The following GRTP1 variants were observed in gnomAD, a reference collection of about 807,000 sequenced individuals.
GRTP1 encodes the protein growth hormone regulated TBC protein 1.
In GRTP1, 56 loss-of-function variants were observed where a neutral mutation model predicts 38.1. The ratio of observed to expected loss-of-function variants is 1.47; its 90% CI spans 1.19 to 1.84. The LOEUF (loss-of-function observed/expected upper bound fraction) is 1.84. Among genes scored for constraint, GRTP1 ranks in the 40% most tolerant of loss-of-function variants. The pLI, the probability that GRTP1 is intolerant of heterozygous loss-of-function variation, is 0.00. For missense variants in GRTP1, 506 were observed against 453.9 expected (o/e 1.11, Z -1.04); for synonymous variants, 217 against 189.5 (o/e 1.14, Z -1.19).
intron 3 of GRTP1, among the ~76,000 whole-genome samples, chr13:113,352,337 T>TTATATATATATTTATATATATTTTATATA (rs2043296683): frequency 2.5e-4 from 13 of 51,528 alleles, no homozygotes; most frequent in African/African-American, 6.5e-4. Flanking sequence ...TATATATATT[T>TTATATATATATTTATATATATTTTATATA]TATATATATA....
intron 2 of GRTP1, among the ~76,000 whole-genome samples, chr13:113,357,262 T>C (rs1297146626): frequency 2.0e-5 from 3 of 151,760 alleles, no homozygotes; most frequent in African/African-American, 7.3e-5. Context: ...CTGGCCAACA[T>C]GGTGAAACCT....
intron 4 of GRTP1, among the ~76,000 whole-genome samples, chr13:113,350,635 T>C (rs2043246784): frequency 6.6e-6 from 1 of 152,054 alleles, no homozygotes; most frequent in Non-Finnish European, 1.5e-5. Context: ...CCGTGCTGAT[T>C]CTCCTCCCGC....
chr13:113,326,271 C>T (rs1018130826), intron 5 of GRTP1, among the ~76,000 whole-genome samples, 180 bp from the exon 6 acceptor site: 36 of 151,154 alleles, frequency 2.4e-4, no homozygotes, highest in African/African-American at 7.3e-4. Flanking sequence ...TCATGGGGAG[C>T]GACCCCCACA....
Position 113,324,554 on chromosome 13 carries a change from G to A in GRTP1, c.945C>T (p.Ser315=). 1 of 1,610,946 alleles carries A rather than the reference G, an allele frequency of 6.2e-7. No individual in the cohort carries two copies. The highest frequency in any genetic ancestry group is 8.5e-7 in the Non-Finnish European group (1 of 1,178,748). ...GCTTGGCGACGGTGGCCATGGATAAGCTTCCAGGTTCTGAAAATATTTTCT... is the reference window on the plus strand; with the variant it reads ...GCTTGGCGACGGTGGCCATGGATAAACTTCCAGGTTCTGAAAATATTTTCT... The part of the protein sequence containing the change: ...FMQKIFSEPG[S]LSMATVAKLR... Residue 315 remains serine, a synonymous_variant, in exon 8 of 8, where the codon AGC becomes AGT. Transcript: ENST00000375431.
intron 2 of GRTP1, among the ~76,000 whole-genome samples, chr13:113,358,884 C>G (rs1253892820): frequency 6.6e-6 from 1 of 152,210 alleles, no homozygotes; most frequent in Non-Finnish European, 1.5e-5. Context: ...TAAACATGCA[C>G]TTGTCACACG....
intron 2 of GRTP1, among the ~76,000 whole-genome samples, chr13:113,362,413 C>T (rs114441946): frequency 0.063 from 9,641 of 152,184 alleles, 333 homozygotes; most frequent in Middle Eastern, 0.1. Flanking sequence ...ATGCAGAGGC[C>T]ACAGGGATGG....
At chr13:113,360,663 G>A (rs1024228929) in intron 2 of GRTP1, among the ~76,000 whole-genome samples, 1 of 152,198 alleles carries the variant, frequency 6.6e-6, no homozygotes, top group Non-Finnish European at 1.5e-5. Flanking sequence ...TCCCACCGGA[G>A]TCACCAGCAT....
chr13:113,347,264 G>A (rs797005727), intron 4 of GRTP1, among the ~76,000 whole-genome samples: 4 of 55,690 alleles, frequency 7.2e-5, no homozygotes, highest in Non-Finnish European at 1.4e-4. Context: ...CTCTGTGGCT[G>A]AGAGCAGACC....
chr13:113,334,280 A>ACTGCCCCCCCCCCCCCCCCCCC (rs1202504022), intron 5 of GRTP1, among the ~76,000 whole-genome samples: 1 of 142,472 alleles, frequency 7.0e-6, no homozygotes, highest in Non-Finnish European at 1.5e-5. Flanking sequence ...CACTGCCACG[A>ACTGCCCCCCCCCCCCCCCCCCC]CAGCCTCCCG....
At chr13:113,334,282 A>ACCCCCCACTGCTACGACC (rs55801264) in intron 5 of GRTP1, among the ~76,000 whole-genome samples, 3 of 144,932 alleles carry the variant, frequency 2.1e-5, no homozygotes, top group Non-Finnish European at 1.5e-5. Context: ...CTGCCACGAC[A>ACCCCCCACTGCTACGACC]GCCTCCCGCC....
chr13:113,333,838 A>ATTTAGTGTGTGTGT (rs749095615), intron 5 of GRTP1, among the ~76,000 whole-genome samples: 1 of 23,600 alleles, frequency 4.2e-5, no homozygotes, highest in African/African-American at 6.8e-5. Context: ...TTATTTATTT[A>ATTTAGTGTGTGTGT]GTGTGTGTGT....
At chr13:113,352,337 TTATATATATATTTATATATATTTTATATA>T (rs2043296683) in intron 3 of GRTP1, among the ~76,000 whole-genome samples, 1 of 51,560 alleles carries the variant, frequency 1.9e-5, no homozygotes, top group African/African-American at 7.3e-5. Context: ...TATATATATT[TTATATATATATTTATATATATTTTATATA>T]TATATATATA....
chr13:113,352,326 T>TTATATATTTTA (rs1566437894), intron 3 of GRTP1, among the ~76,000 whole-genome samples: 1 of 68,518 alleles, frequency 1.5e-5, no homozygotes, highest in African/African-American at 5.9e-5. Context: ...ATATATATTT[T>TTATATATTTTA]TATATATATT....
chr13:113,326,170 A>G, intron 5 of GRTP1, 79 bp from the exon 6 acceptor site: 1 of 1,552,080 alleles, frequency 6.4e-7, no homozygotes, highest in Non-Finnish European at 8.7e-7. Context: ...AGCCAGACAA[A>G]GACAACAGGG....
intron 5 of GRTP1, among the ~76,000 whole-genome samples, chr13:113,334,967 T>C (rs1027304306): frequency 1.1e-4 from 16 of 151,728 alleles, no homozygotes; most frequent in East Asian, 2.0e-4. Context: ...GGACTACAGG[T>C]GCCCGCCACC....
intron 5 of GRTP1, among the ~76,000 whole-genome samples, chr13:113,336,582 CACCCGCTGGG>C (rs1289929604): frequency 6.8e-6 from 1 of 148,000 alleles, no homozygotes; most frequent in Non-Finnish European, 1.5e-5. Context: ...GCTTCAGAGC[CACCCGCTGGG>C]GTGGCCCTGC....
Position 113,342,595 on chromosome 13 carries a change from A to G in GRTP1, c.562+2268T>C, listed in dbSNP as rs1311456932. 1.3e-5 allele frequency among the ~76,000 whole-genome samples: 2 copies of G among 152,012 alleles called. No individual in the cohort carries two copies. Among genetic ancestry groups the G allele is most frequent in the African/African-American group, 4.8e-5 (2 of 41,402 alleles). On this transcript the variant is annotated intron_variant, in intron 5 of 7. Coordinates refer to ENST00000375431, the MANE Select transcript of GRTP1 (RefSeq NM_024719.4). This position sits in a 1 kb window ranked among gnomAD's most constrained non-coding sequence, Gnocchi z 4.5. ...TAACTTAAAAGCAGCAATTAAGAGC[A>G]GGATAACAGTGGCACTGAAACGACC...
Position 113,342,168 on chromosome 13 carries a change from C to T in GRTP1, c.562+2695G>A, listed in dbSNP as rs889777139. ...ATGTTGGCCAGGCTGGTCTTGAACT[C>T]CCCTAAATGCCTGCCTCGGTCTTGC... On this transcript the variant is annotated intron_variant, in intron 5 of 7. Transcript: ENST00000375431. This position sits in a 1 kb window ranked among gnomAD's most constrained non-coding sequence, Gnocchi z 4.5. 1.3e-5 allele frequency among the ~76,000 whole-genome samples: 2 copies of T among 152,070 alleles called. No individual in the cohort carries two copies. The highest frequency in any genetic ancestry group is 2.9e-5 in the Non-Finnish European group (2 of 68,012).
rs1016440338 is a variant in GRTP1, at chr13:113,328,265, T to C, written c.563-2174A>G. Among the ~76,000 whole-genome samples the C allele has an allele frequency of 2.0e-5, 3 of 152,314 alleles. No individual in the cohort carries two copies. The South Asian group carries it at 6.2e-4, about 32-fold the overall frequency. ...CCGAGGCTCCGGGACGGCACCTGCC[T>C]GGCCAGGACGGGGGCACAGCTCTGA... On this transcript the variant is annotated intron_variant, in intron 5 of 7. Transcript: ENST00000375431.
Sources: gnomAD v4.1 joint callset for allele counts (sites outside exome capture counted in the v4.1 genomes callset) on GRCh38, gnomAD v4.1.1 for gene constraint, Gnocchi (gnomAD v3.1) non-coding constraint, MANE v1.5 for transcripts, NCBI Gene and HGNC (gene_info 2026-07-23, HGNC 2026-07-21) for gene names.